Variants in GJB7 observed in about 807,000 individuals in gnomAD.
The protein encoded by GJB7 is gap junction beta-7 protein.
For synonymous variants in GJB7, 87 were observed against 95.2 expected (o/e 0.91, Z 0.50); for missense variants, 253 against 256.8 (o/e 0.99, Z 0.10).
chr6:87,322,621 AC>A (rs1173802819), intron 2 of GJB7: 1 of 152,078 alleles, frequency 6.6e-6, no homozygotes, highest in Non-Finnish European at 1.5e-5. Flanking sequence ...AGAGGAGGTG[AC>A]CCCGCGAAAG....
intron 2 of GJB7, among the ~76,000 whole-genome samples, chr6:87,287,816 A>G (rs574719714): frequency 2.7e-4 from 41 of 152,320 alleles, no homozygotes; most frequent in African/African-American, 9.9e-4. Flanking sequence ...ACAAAAAAAA[A>G]GTGACTGATC....
chr6:87,328,230 C>T lies in GJB7; in HGVS notation c.-206+908G>A, dbSNP rs139959113. 6.5e-3 allele frequency among the ~76,000 whole-genome samples: 994 copies of T among 152,300 alleles called. 13 individuals are homozygous for T. The highest frequency in any genetic ancestry group is 0.022 in the African/African-American group (911 of 41,564). On this transcript the variant is annotated intron_variant, in intron 1 of 2. Coordinates refer to ENST00000525899, the MANE Select transcript of GJB7 (RefSeq NM_198568.3). ...CTCCCGTAGCTCGGAATAATTTGAT[C>T]GTGTGAAGCCTTCTCTCAGCTCGTC...
intron 2 of GJB7, among the ~76,000 whole-genome samples, chr6:87,302,077 GA>G (rs1316256908): frequency 5.3e-5 from 8 of 152,198 alleles, no homozygotes; most frequent in African/African-American, 1.9e-4. Context: ...CAAAGATGGG[GA>G]AAAAACAGAG....
At chr6:87,293,557 T>A (rs1223758261) in intron 2 of GJB7, among the ~76,000 whole-genome samples, 1 of 152,176 alleles carries the variant, frequency 6.6e-6, no homozygotes, top group Non-Finnish European at 1.5e-5. Context: ...AAGTCTTGTC[T>A]CTGGAATTGT....
chr6:87,313,363 T>C (rs769589852), intron 2 of GJB7, among the ~76,000 whole-genome samples: 1 of 152,246 alleles, frequency 6.6e-6, no homozygotes, highest in Non-Finnish European at 1.5e-5. Context: ...AGGACTTTAT[T>C]ATAGCTAATG....
chr6:87,285,354 A>G lies in GJB7; in HGVS notation c.-27-415T>C, dbSNP rs141756296. On this transcript the variant is annotated intron_variant, in intron 2 of 2. Transcript: ENST00000525899. ...CTTCACATACCAGATTGTTGACGCT[A>G]TAGTCTCTACTCACTTTCTCTAATT... is the stretch of plus-strand genomic sequence containing the variant. Among the ~76,000 whole-genome samples, 738 of 152,236 alleles carry G rather than the reference A, an allele frequency of 4.8e-3. 3 individuals carry two copies. Among genetic ancestry groups the G allele is most frequent in the African/African-American group, 0.016 (649 of 41,526 alleles).
rs1776927231 is a variant in GJB7 at position 87,329,133 on chromosome 6, C to T, written c.-206+5G>A. 6.5e-6 allele frequency: 1 copy of T among 154,778 alleles called. No homozygotes were observed. Among genetic ancestry groups the T allele is most frequent in the African/African-American group, 2.4e-5 (1 of 41,628 alleles). 9.6% of individuals were successfully genotyped at this position (154,778 alleles called of 1,614,324 possible). A position where few individuals can be genotyped will look rare whatever the true frequency, so the allele number is the denominator to read the frequency against. On this transcript the variant is annotated splice_donor_5th_base_variant and intron_variant, in intron 1 of 2. Transcript: ENST00000525899. ...GGCTCTCACATGGTGCGCGCACCCA[C>T]TTACCTGCGCCCAGTGTCTGGCACT...
chr6:87,325,422 T>C (rs1274255205), intron 1 of GJB7, among the ~76,000 whole-genome samples: 1 of 148,346 alleles, frequency 6.7e-6, no homozygotes, highest in African/African-American at 2.6e-5. Context: ...ATAGCTCTTA[T>C]TATTTTGAGA....
intron 2 of GJB7, among the ~76,000 whole-genome samples, chr6:87,317,051 T>A (rs1427757423): frequency 6.6e-6 from 1 of 152,088 alleles, no homozygotes; most frequent in African/African-American, 2.4e-5. Context: ...CTTGTGCAAA[T>A]CACTTTATAT....
chr6:87,294,887 A>G (rs1224197346), intron 2 of GJB7, among the ~76,000 whole-genome samples: 3 of 152,194 alleles, frequency 2.0e-5, no homozygotes, highest in Admixed American at 6.5e-5. Flanking sequence ...TCTGAGTTCA[A>G]ACAAACTGGG....
chr6:87,301,779 C>A (rs1464793126), intron 2 of GJB7, among the ~76,000 whole-genome samples: 1 of 152,226 alleles, frequency 6.6e-6, no homozygotes, highest in Non-Finnish European at 1.5e-5. Context: ...AGGCATCCCC[C>A]AGTAGGGGCA....
chr6:87,323,434 C>T (rs1032084424), intron 1 of GJB7, among the ~76,000 whole-genome samples: 2 of 117,982 alleles, frequency 1.7e-5, no homozygotes, highest in African/African-American at 6.4e-5. Flanking sequence ...CTCCCCCCAC[C>T]CCACAACAGA....
intron 2 of GJB7, among the ~76,000 whole-genome samples, chr6:87,285,258 G>T (rs531674023): frequency 6.6e-6 from 1 of 152,166 alleles, no homozygotes; most frequent in African/African-American, 2.4e-5. Flanking sequence ...TCTAAAGATG[G>T]ATGGGTCATG....
In GJB7 at chr6:87,326,970, A is replaced by G. The variant is rs1292485783; in HGVS notation, c.-206+2168T>C. Among the ~76,000 whole-genome samples, 2 of 115,726 alleles carry G rather than the reference A, an allele frequency of 1.7e-5. 1 individual carries two copies. Among genetic ancestry groups the G allele is most frequent in the Non-Finnish European group, 3.6e-5 (2 of 55,600 alleles). 75.9% of individuals were successfully genotyped at this position (115,726 alleles called of 152,430 possible). A position where few individuals can be genotyped will look rare whatever the true frequency, so the allele number is the denominator to read the frequency against. ...GTGCTCCTGTATTGGGTGCATATAT[A>G]TTTAGGATAGTTAGCTCTTCTTGTT... On this transcript the variant is annotated intron_variant, in intron 1 of 2. Transcript: ENST00000525899.
At chr6:87,327,383 T>C (rs1298444540) in intron 1 of GJB7, among the ~76,000 whole-genome samples, 1 of 151,004 alleles carries the variant, frequency 6.6e-6, no homozygotes, top group Non-Finnish European at 1.5e-5. Flanking sequence ...ATTTTGGCAA[T>C]GGATGGTACA....
At chr6:87,324,478 T>A (rs930231081) in intron 1 of GJB7, among the ~76,000 whole-genome samples, 1 of 150,720 alleles carries the variant, frequency 6.6e-6, no homozygotes, top group Non-Finnish European at 1.5e-5. Flanking sequence ...AGTTTCAGCT[T>A]TCTACATATG....
At chr6:87,313,720 T>C (rs1776543024) in intron 2 of GJB7, among the ~76,000 whole-genome samples, 1 of 152,192 alleles carries the variant, frequency 6.6e-6, no homozygotes, top group African/African-American at 2.4e-5. Flanking sequence ...TTATGACTTA[T>C]TTGGCAAATG....
chr6:87,303,051 A>T (rs1157960214), intron 2 of GJB7, among the ~76,000 whole-genome samples: 6 of 152,172 alleles, frequency 3.9e-5, no homozygotes, highest in African/African-American at 4.8e-5. Context: ...AGGAACAACC[A>T]GTACCAGCCA....
intron 2 of GJB7, among the ~76,000 whole-genome samples, chr6:87,307,027 G>C (rs554256735): frequency 6.6e-6 from 1 of 152,220 alleles, no homozygotes; most frequent in South Asian, 2.1e-4. Context: ...TCTGTTGTAG[G>C]GTGGGGAGAG....
Sources: gnomAD v4.1 joint callset for allele counts (sites outside exome capture counted in the v4.1 genomes callset) on GRCh38, gnomAD v4.1.1 for gene constraint, MANE v1.5 for transcripts, NCBI Gene and HGNC (gene_info 2026-07-23, HGNC 2026-07-21) for gene names.